The following PCDHGB1 variants were observed in gnomAD, a reference collection of about 807,000 sequenced individuals.
PCDHGB1 encodes protocadherin gamma-B1.
Under a neutral mutation model 56.6 loss-of-function variants are expected in PCDHGB1, and 34 were observed. The ratio of observed to expected loss-of-function variants is 0.60; its 90% confidence interval spans 0.46 to 0.80. PCDHGB1 has a LOEUF of 0.80. Ranked by LOEUF, PCDHGB1 falls within the 30% of genes least tolerant of loss-of-function variation. The pLI, the probability that PCDHGB1 is intolerant of heterozygous loss-of-function variation, is 0.00. For synonymous variants in PCDHGB1, 561 were observed against 505.9 expected, an observed-to-expected ratio of 1.11 and a Z score of -1.46; for missense variants, 1,278 against 1,204.6, an observed-to-expected ratio of 1.06 and a Z score of -0.90.
intron 1 of PCDHGB1, chr5:141,385,185 C>T: frequency 1.2e-6 from 2 of 1,614,214 alleles, no homozygotes; most frequent in African/African-American, 1.3e-5. Context: ...TCACCGCGGA[C>T]TCTCGGAAGA....
chr5:141,419,032 A>G (rs1421513275), intron 1 of PCDHGB1: 2 of 1,614,004 alleles, frequency 1.2e-6, no homozygotes, highest in Non-Finnish European at 1.7e-6. Flanking sequence ...GAGGTGTTCC[A>G]TTTAAGATTC....
intron 1 of PCDHGB1, chr5:141,426,876 C>G (rs796453479): frequency 2.2e-6 from 1 of 456,726 alleles, no homozygotes; most frequent in Admixed American, 2.3e-5. Flanking sequence ...GGAGAAGCCC[C>G]TGGGCCAGGA....
chr5:141,448,335 A>T (rs567377336), intron 1 of PCDHGB1, among the ~76,000 whole-genome samples: 1 of 152,108 alleles, frequency 6.6e-6, no homozygotes, highest in Non-Finnish European at 1.5e-5. Flanking sequence ...CTTTATAGCC[A>T]TGTACCTCAA....
intron 1 of PCDHGB1, among the ~76,000 whole-genome samples, chr5:141,438,615 T>C (rs566173071): frequency 5.6e-5 from 2 of 35,920 alleles, no homozygotes; most frequent in Admixed American, 4.1e-4. Flanking sequence ...TATATATATA[T>C]ATATATATAT....
At chr5:141,406,436 T>C (rs1207276044) in intron 1 of PCDHGB1, among the ~76,000 whole-genome samples, 3 of 152,234 alleles carry the variant, frequency 2.0e-5, no homozygotes, top group Non-Finnish European at 4.4e-5. Context: ...TTGCTTCTAT[T>C]CTTCCATTTC....
Position 141,485,156 on chromosome 5 carries a change from A to G in PCDHGB1, c.2410-9651A>G. The G allele has an allele frequency of 6.3e-7, 1 of 1,599,118 alleles. No homozygotes were observed. The highest frequency in any genetic ancestry group is 8.6e-7 in the Non-Finnish European group (1 of 1,168,318). On this transcript the variant is annotated intron_variant, in intron 1 of 3. Transcript: ENST00000523390. The surrounding 1 kb of genome is among the most constrained non-coding windows in gnomAD (Gnocchi z 5.7). ...ATCCGCGTCTCAGGAGCAAGTAGAG[A>G]ATTAGCGGGCGGCAGCAATGCTCCG... is the stretch of plus-strand genomic sequence containing the variant.
At chr5:141,472,040 G>T (rs1431219928) in intron 1 of PCDHGB1, among the ~76,000 whole-genome samples, 4 of 152,018 alleles carry the variant, frequency 2.6e-5, no homozygotes, top group Non-Finnish European at 5.9e-5. Flanking sequence ...GCTGTGAAAA[G>T]ATTTTAAAAA....
At chr5:141,383,565 A>G (rs1306554654) in intron 1 of PCDHGB1, 5 of 1,613,204 alleles carry the variant, frequency 3.1e-6, no homozygotes, top group Non-Finnish European at 4.2e-6. Flanking sequence ...ACCCGCCCCG[A>G]TCCAGCACCG....
At chr5:141,378,717 A>AG (rs1263141486) in intron 1 of PCDHGB1, 3 of 152,242 alleles carry the variant, frequency 2.0e-5, no homozygotes, top group Non-Finnish European at 4.4e-5. Flanking sequence ...TTCATCATAT[A>AG]GGAACTCTTT....
chr5:141,379,889 C>CTTTTTTTTTTTTTTTTTTTTTTTTTTTT lies in PCDHGB1; in HGVS notation c.2409+27223_2409+27250dup, dbSNP rs70988800. On this transcript the variant is annotated intron_variant, in intron 1 of 3. Transcript: ENST00000523390. The stretch of plus-strand genomic sequence containing the variant: ...CTTATTTTATGGTCTGTGAAAGCCT[C>CTTTTTTTTTTTTTTTTTTTTTTTTTTTT]TTTTTTTTTTTTTTTTTTTTTTTTT... Among the ~76,000 whole-genome samples the CTTTTTTTTTTTTTTTTTTTTTTTTTTTT allele has an allele frequency of 5.5e-4, 28 of 50,832 alleles. 8 individuals are homozygous for CTTTTTTTTTTTTTTTTTTTTTTTTTTTT. The highest frequency in any genetic ancestry group is 7.7e-4 in the Non-Finnish European group (20 of 25,882). 33.3% of individuals were successfully genotyped at this position (50,832 alleles called of 152,430 possible). A position where few individuals can be genotyped will look rare whatever the true frequency, so the allele number is the denominator to read the frequency against.
At position 141,351,884 on chromosome 5, in the gene PCDHGB1, G is replaced by A. The variant is rs755575621; in HGVS notation, c.1624G>A (p.Val542Met). Residue 542 changes from valine to methionine, a missense_variant, in exon 1 of 4, where the codon GTG becomes ATG. Coordinates refer to ENST00000523390, the MANE Select transcript of PCDHGB1 (RefSeq NM_018922.3). ...GGGCTCCCCCGCGCTCAGCGCCAAC[G>A]TGAGCCTGCGCGTGTTGGTGGGCGA... ...DQGSPALSAN[V>M]SLRVLVGDLN... 6.8e-6 allele frequency: 11 copies of A among 1,613,248 alleles called. No individual in the cohort carries two copies. In the East Asian group the frequency reaches 1.8e-4, roughly 26 times the overall value.
intron 1 of PCDHGB1, chr5:141,375,606 A>T: frequency 6.2e-7 from 1 of 1,613,922 alleles, no homozygotes; most frequent in Non-Finnish European, 8.5e-7. Context: ...GTGTCCATCA[A>T]CTCCGACACT....
intron 1 of PCDHGB1, chr5:141,422,547 G>C: frequency 1.9e-6 from 3 of 1,613,938 alleles, no homozygotes; most frequent in Non-Finnish European, 2.5e-6. Context: ...CTCATGTCTG[G>C]CTGAATGTGG....
chr5:141,394,454 A>G (rs1394596470), intron 1 of PCDHGB1: 2 of 1,614,212 alleles, frequency 1.2e-6, no homozygotes, highest in Admixed American at 1.7e-5. Context: ...GCAACATGTC[A>G]CTGAGCCTGT....
At position 141,432,902 on chromosome 5, in the gene PCDHGB1, A is replaced by C. The variant is rs992417865; in HGVS notation, c.2410-61905A>C. The C allele has an allele frequency of 1.2e-6, 2 of 1,614,028 alleles. No homozygotes were observed. The highest frequency in any genetic ancestry group is 2.7e-5 in the African/African-American group (2 of 74,924). On this transcript the variant is annotated intron_variant, in intron 1 of 3. Coordinates refer to ENST00000523390, the MANE Select transcript of PCDHGB1 (RefSeq NM_018922.3). The surrounding 1 kb of genome is among the most constrained non-coding windows in gnomAD (Gnocchi z 6.0). ...CTTCGTCATCTTGCTGCTGGCGCTCAGGCTGCGGCGCTGGCACAAGTCACG... is the reference window on the plus strand; with the variant it reads ...CTTCGTCATCTTGCTGCTGGCGCTCCGGCTGCGGCGCTGGCACAAGTCACG...
intron 1 of PCDHGB1, among the ~76,000 whole-genome samples, chr5:141,456,969 A>G (rs2098901241): frequency 1.4e-5 from 2 of 147,268 alleles, no homozygotes; most frequent in Non-Finnish European, 3.1e-5. Flanking sequence ...TCTCAAAACA[A>G]AACAAACAAA....
At chr5:141,407,708 G>C (rs2094972839) in intron 1 of PCDHGB1, among the ~76,000 whole-genome samples, 1 of 152,106 alleles carries the variant, frequency 6.6e-6, no homozygotes, top group African/African-American at 2.4e-5. Flanking sequence ...TGAAGGTGGG[G>C]TGATGGCTAT....
intron 1 of PCDHGB1, chr5:141,398,503 A>G (rs2093664041): frequency 1.9e-6 from 3 of 1,601,316 alleles, no homozygotes; most frequent in Non-Finnish European, 1.7e-6. Flanking sequence ...GATCGAGGAC[A>G]TTAATGACCA....
chr5:141,423,201 C>G, intron 1 of PCDHGB1: 1 of 1,613,628 alleles, frequency 6.2e-7, no homozygotes, highest in Non-Finnish European at 8.5e-7. Context: ...TCTCGGCCAC[C>G]GTCACGCTCA....
Sources: gnomAD v4.1 joint callset for allele counts (sites outside exome capture counted in the v4.1 genomes callset) on GRCh38, gnomAD v4.1.1 for gene constraint, Gnocchi (gnomAD v3.1) non-coding constraint, MANE v1.5 for transcripts, NCBI Gene and HGNC (gene_info 2026-07-23, HGNC 2026-07-21) for gene names.